The following ADAMTSL1 variants were observed in gnomAD, a reference collection of about 807,000 sequenced individuals.
The protein encoded by ADAMTSL1 is ADAMTS-like protein 1.
A neutral mutation model predicts 201.8 loss-of-function variants in ADAMTSL1; 126 were observed. The ratio of observed to expected loss-of-function variants is 0.62; its 90% confidence interval spans 0.54 to 0.72. The LOEUF (loss-of-function observed/expected upper bound fraction) is 0.72. Ranked by LOEUF, ADAMTSL1 falls within the 30% of genes least tolerant of loss-of-function variation. ADAMTSL1 has a pLI of 0.00. For missense variants in ADAMTSL1, 2,679 were observed against 2,277.8 expected, an observed-to-expected ratio of 1.18 and a Z score of -3.59; for synonymous variants, 1,121 against 903.4, an observed-to-expected ratio of 1.24 and a Z score of -4.32.
At chr9:18,397,776 G>C (rs1302062158) in intron 2 of ADAMTSL1, among the ~76,000 whole-genome samples, 2 of 152,148 alleles carry the variant, frequency 1.3e-5, no homozygotes, top group African/African-American at 4.8e-5. Context: ...GTTAGTGTTT[G>C]TCTATATTTT....
chr9:18,712,853 G>C (rs1832697986), intron 14 of ADAMTSL1, among the ~76,000 whole-genome samples: 1 of 149,208 alleles, frequency 6.7e-6, no homozygotes, highest in Non-Finnish European at 1.5e-5. Flanking sequence ...CAGAGAGAAA[G>C]GTCGGGTTAC....
At chr9:18,188,723 G>A (rs1028600629) in intron 2 of ADAMTSL1, among the ~76,000 whole-genome samples, 1 of 152,098 alleles carries the variant, frequency 6.6e-6, no homozygotes, top group South Asian at 2.1e-4. Context: ...CCTCCTTGGT[G>A]CTTTCACTAT....
chr9:18,376,956 A>C (rs934769520), intron 2 of ADAMTSL1, among the ~76,000 whole-genome samples: 15 of 152,240 alleles, frequency 9.9e-5, no homozygotes, highest in African/African-American at 3.6e-4. Context: ...ATTTTTATAC[A>C]TGTTGCTTAT....
intron 2 of ADAMTSL1, among the ~76,000 whole-genome samples, chr9:18,188,070 A>G (rs1268535267): frequency 6.6e-6 from 1 of 152,166 alleles, no homozygotes; most frequent in Non-Finnish European, 1.5e-5. Flanking sequence ...CGGAAGATAA[A>G]CAAAATATCA....
chr9:18,785,827 C>T (rs1821678126), intron 19 of ADAMTSL1, among the ~76,000 whole-genome samples: 1 of 152,230 alleles, frequency 6.6e-6, no homozygotes, highest in Non-Finnish European at 1.5e-5. Context: ...GCAGTGCTGA[C>T]TTCCTTGTAG....
At chr9:18,904,987 T>C (rs1830221338) in intron 26 of ADAMTSL1, among the ~76,000 whole-genome samples, 1 of 152,118 alleles carries the variant, frequency 6.6e-6, no homozygotes, top group Non-Finnish European at 1.5e-5. Context: ...CACAAAACTT[T>C]TGCTTATACT....
At chr9:18,814,306 T>A (rs1409692339) in intron 20 of ADAMTSL1, among the ~76,000 whole-genome samples, 2 of 152,224 alleles carry the variant, frequency 1.3e-5, no homozygotes, top group Non-Finnish European at 2.9e-5. Flanking sequence ...TTAAGGATTT[T>A]TATATACATG....
At chr9:18,789,803 G>C (rs935351479) in intron 19 of ADAMTSL1, among the ~76,000 whole-genome samples, 7 of 152,186 alleles carry the variant, frequency 4.6e-5, no homozygotes, top group African/African-American at 1.7e-4. Flanking sequence ...GAGAGTCAAA[G>C]AGGCCATCTT....
At chr9:18,674,333 A>G (rs1342033387) in intron 9 of ADAMTSL1, among the ~76,000 whole-genome samples, 1 of 152,076 alleles carries the variant, frequency 6.6e-6, no homozygotes, top group Non-Finnish European at 1.5e-5. Flanking sequence ...TACTCCAATG[A>G]CCTTCCCTCC....
rs148722076 is a variant in ADAMTSL1 at position 18,337,363 on chromosome 9, C to T, written c.208-167466C>T. On this transcript the variant is annotated intron_variant, in intron 2 of 29. Transcript: ENST00000680146. Reference sequence around the variant, plus strand: ...TGGGACTTGGACGGGCTTCCTTACTCCTCAACTTGCAGATGGCTTATTGTG... The same window carrying T: ...TGGGACTTGGACGGGCTTCCTTACTTCTCAACTTGCAGATGGCTTATTGTG... Among the ~76,000 whole-genome samples the T allele has an allele frequency of 4.1e-4, 63 of 152,250 alleles. 1 individual carries two copies. Among genetic ancestry groups the T allele is most frequent in the Middle Eastern group, 3.4e-3 (1 of 294 alleles).
chr9:18,636,890 C>T (rs1327876296), intron 6 of ADAMTSL1, among the ~76,000 whole-genome samples: 1 of 152,252 alleles, frequency 6.6e-6, no homozygotes, highest in African/African-American at 2.4e-5. Flanking sequence ...ACAAAGCCAT[C>T]TATCGTCTGT....
intron 15 of ADAMTSL1, among the ~76,000 whole-genome samples, chr9:18,735,335 G>A (rs1004043134): frequency 6.6e-5 from 10 of 152,292 alleles, no homozygotes; most frequent in African/African-American, 2.4e-4. Flanking sequence ...GTGAAACTAG[G>A]TGTTATAGAA....
intron 1 of ADAMTSL1, among the ~76,000 whole-genome samples, chr9:17,982,034 A>G (rs1427687468): frequency 6.6e-6 from 1 of 152,182 alleles, no homozygotes; most frequent in African/African-American, 2.4e-5. Context: ...TTAAAAAGGG[A>G]GAAGGCCTGG....
In ADAMTSL1 at chr9:18,533,274, C is replaced by T. The variant is rs796495897; in HGVS notation, c.219C>T (p.Tyr73=). ...SKSCEGRNIR[Y]RTCSNVDCPP... ...GCTGTGAAGGAAGAAATATCCGATA[C>T]AGAACATGCAGTAATGTGGTAAGTA... Residue 73 remains tyrosine, a synonymous_variant, in exon 3 of 29, where the codon TAC becomes TAT. Transcript: ENST00000380548. The T allele has an allele frequency of 1.2e-6, 2 of 1,608,188 alleles. No individual in the cohort carries two copies. The highest frequency in any genetic ancestry group is 2.7e-5 in the African/African-American group (2 of 74,690).
chr9:18,538,638 C>T (rs568359996), intron 3 of ADAMTSL1, among the ~76,000 whole-genome samples: 1 of 152,144 alleles, frequency 6.6e-6, no homozygotes, highest in Non-Finnish European at 1.5e-5. Flanking sequence ...AGAGTGGAAG[C>T]AAAGTTCTCA....
At chr9:18,806,823 T>C (rs773568063) in intron 20 of ADAMTSL1, among the ~76,000 whole-genome samples, 18 of 152,204 alleles carry the variant, frequency 1.2e-4, no homozygotes, top group Non-Finnish European at 2.4e-4. Context: ...CCTGGTTGGC[T>C]GAACACTTCT....
intron 1 of ADAMTSL1, among the ~76,000 whole-genome samples, chr9:17,955,345 A>G (rs1468880025): frequency 2.0e-5 from 3 of 152,166 alleles, no homozygotes; most frequent in Non-Finnish European, 2.9e-5. Flanking sequence ...TTTTGTTCTG[A>G]TGATTTTCTT....
At chr9:18,035,071 G>T (rs946945521) in intron 1 of ADAMTSL1, among the ~76,000 whole-genome samples, 1 of 152,120 alleles carries the variant, frequency 6.6e-6, no homozygotes, top group Non-Finnish European at 1.5e-5. Context: ...TCTATAAGAA[G>T]TTACTCTAAT....
intron 2 of ADAMTSL1, among the ~76,000 whole-genome samples, chr9:18,246,595 G>T (rs1221696659): frequency 1.3e-5 from 2 of 152,066 alleles, no homozygotes; most frequent in Non-Finnish European, 2.9e-5. Flanking sequence ...TTATAACAGT[G>T]CTCTAAAGTA....
Sources: gnomAD v4.1 joint callset for allele counts (sites outside exome capture counted in the v4.1 genomes callset) on GRCh38, gnomAD v4.1.1 for gene constraint, MANE v1.5 for transcripts, NCBI Gene and HGNC (gene_info 2026-07-23, HGNC 2026-07-21) for gene names.